The following CD274 variants were observed in gnomAD, a reference collection of about 807,000 sequenced individuals.
The protein encoded by CD274 is programmed cell death 1 ligand 1.
CD274 carries 8 observed loss-of-function variants against 30.1 expected under a neutral mutation model. That is an observed-to-expected ratio of 0.27 (90% confidence interval 0.16 to 0.48). CD274 has a LOEUF of 0.48. Among genes scored for constraint, CD274 ranks in the 20% least tolerant of loss-of-function variants. The probability of loss-of-function intolerance (pLI) is 0.99; values close to 1 mark genes in which losing one functional copy is unlikely to be tolerated. For synonymous variants in CD274, 152 were observed against 124.6 expected (o/e 1.22, Z -1.46); for missense variants, 353 against 346.6 (o/e 1.02, Z -0.15).
Position 5,466,405 on chromosome 9 carries a change from T to G in CD274, c.791-365T>G, listed in dbSNP as rs574858863. On this transcript the variant is annotated intron_variant, in intron 5 of 6. Coordinates refer to ENST00000381577, the MANE Select transcript of CD274 (RefSeq NM_014143.4). The stretch of plus-strand genomic sequence containing the variant: ...ATGACAGTAAGATCCTGAGATGGAG[T>G]TGATTTGCACAAAGAAATAATTGTT... Among the ~76,000 whole-genome samples, 5 of 152,132 alleles carry G rather than the reference T, an allele frequency of 3.3e-5. No individual in the cohort carries two copies. In the South Asian group the frequency reaches 8.3e-4, roughly 25 times the overall value.
chr9:5,462,962 C>T lies in CD274; in HGVS notation c.523C>T (p.Leu175=), dbSNP rs2131223639. 6.2e-7 allele frequency: 1 copy of T among 1,614,096 alleles called. No homozygotes were observed. The highest frequency in any genetic ancestry group is 1.3e-5 in the African/African-American group (1 of 75,046). Residue 175 remains leucine, a synonymous_variant, in exon 4 of 7, where the codon CTG becomes TTG. Transcript: ENST00000381577. ...VIWTSSDHQV[L]SGKTTTTNSK... ...CTGGACAAGCAGTGACCATCAAGTCCTGAGTGGTAAGACCACCACCACCAA... is the reference window on the plus strand; with the variant it reads ...CTGGACAAGCAGTGACCATCAAGTCTTGAGTGGTAAGACCACCACCACCAA...
rs1434484872 is a variant in CD274, at chr9:5,470,386, A to G, written c.*2524A>G. ...CTTTATCCCTTTTGTCTCATGTTTC[A>G]TCGTAAATGGCATAGGCAGAGATGA... On this transcript the variant is annotated 3_prime_UTR_variant, in exon 7 of 7. Transcript: ENST00000381577. 1 of 231,886 alleles carries G rather than the reference A, an allele frequency of 4.3e-6. No homozygotes were observed. Among genetic ancestry groups the G allele is most frequent in the Non-Finnish European group, 8.5e-6 (1 of 117,314 alleles). The allele number at this position is 231,886 out of a possible 1,614,324, so 14.4% of individuals were successfully genotyped here. A position where few individuals can be genotyped will look rare whatever the true frequency, so the allele number is the denominator to read the frequency against.
chr9:5,456,719 G>A (rs907191957), intron 2 of CD274, among the ~76,000 whole-genome samples: 1 of 152,198 alleles, frequency 6.6e-6, no homozygotes, highest in African/African-American at 2.4e-5. Context: ...CCTCTATGTA[G>A]GAAGCAAATA....
At chr9:5,465,632 C>G (rs751773137) in intron 5 of CD274, 26 bp downstream of exon 5, 2 of 1,301,742 alleles carry the variant, frequency 1.5e-6, no homozygotes, top group Non-Finnish European at 2.2e-6. Context: ...TTGCAGTGGT[C>G]TCCACTGGGG....
At position 5,467,821 on chromosome 9, in the gene CD274, TACTATTATC is replaced by T. The variant is rs1819521805; in HGVS notation, c.851-15_851-7del. On this transcript the variant is annotated splice_polypyrimidine_tract_variant and intron_variant, in intron 6 of 6. Transcript: ENST00000381577. ...CAGACCACTTCCCATGAAATTAATATACTATTATCACTCTCCAGATACACATTTGGAGGA... is the reference window on the plus strand; with the variant it reads ...CAGACCACTTCCCATGAAATTAATATACTCTCCAGATACACATTTGGAGGA... The T allele has an allele frequency of 4.4e-6, 7 of 1,597,738 alleles. No homozygotes were observed. The highest frequency in any genetic ancestry group is 6.0e-6 in the Non-Finnish European group (7 of 1,165,124).
At chr9:5,462,690 C>G (rs1819425110) in intron 3 of CD274, 144 bp from the exon 4 acceptor site, 2 of 664,464 alleles carry the variant, frequency 3.0e-6, no homozygotes, top group East Asian at 5.4e-5. Flanking sequence ...GCAGGTGTTC[C>G]CCACGGCTGA....
chr9:5,465,413 A>G, intron 4 of CD274, 86 bp from the exon 5 acceptor site: 1 of 747,040 alleles, frequency 1.3e-6, no homozygotes, highest in Non-Finnish European at 2.3e-6. Flanking sequence ...AGCTAAACTA[A>G]ACTTCAAGGA....
chr9:5,463,476 G>A (rs561808703), intron 4 of CD274, among the ~76,000 whole-genome samples: 17 of 152,230 alleles, frequency 1.1e-4, no homozygotes, highest in African/African-American at 2.9e-4. Context: ...TTTCATAGCC[G>A]GGAAACCTGG....
chr9:5,463,851 A>T, intron 4 of CD274, among the ~76,000 whole-genome samples: 1 of 151,486 alleles, frequency 6.6e-6, no homozygotes, highest in Middle Eastern at 3.4e-3. Flanking sequence ...AAATTCAACT[A>T]TTTTTTTTTA....
At chr9:5,459,128 A>G (rs747979320) in intron 3 of CD274, among the ~76,000 whole-genome samples, 1 of 152,190 alleles carries the variant, frequency 6.6e-6, no homozygotes, top group African/African-American at 2.4e-5. Context: ...CTCCTTTGCC[A>G]TGGATCAACA....
intron 1 of CD274, among the ~76,000 whole-genome samples, chr9:5,454,670 G>C (rs956352667): frequency 1.3e-5 from 2 of 151,658 alleles, no homozygotes; most frequent in Non-Finnish European, 2.9e-5. Flanking sequence ...TGTTTTAGTA[G>C]GATAGATTTC....
chr9:5,465,777 G>A (rs540539071), intron 5 of CD274, 171 bp downstream of exon 5: 27 of 524,676 alleles, frequency 5.1e-5, no homozygotes, highest in African/African-American at 2.3e-4. Flanking sequence ...AAGATGAAGC[G>A]TAAGGGGTGA....
chr9:5,465,108 G>A (rs1024666424), intron 4 of CD274, among the ~76,000 whole-genome samples: 7 of 148,830 alleles, frequency 4.7e-5, no homozygotes, highest in Non-Finnish European at 1.0e-4. Context: ...AAAAAAGCAA[G>A]AGGAAGTGAA....
intron 3 of CD274, among the ~76,000 whole-genome samples, chr9:5,461,466 T>C (rs1181061366): frequency 1.3e-5 from 2 of 152,186 alleles, no homozygotes; most frequent in Non-Finnish European, 2.9e-5. Flanking sequence ...TGGTAGTGGT[T>C]TCATTGATAT....
At chr9:5,459,507 A>C (rs538296615) in intron 3 of CD274, among the ~76,000 whole-genome samples, 1 of 152,290 alleles carries the variant, frequency 6.6e-6, no homozygotes, top group East Asian at 1.9e-4. Flanking sequence ...ATGCTGTTGA[A>C]CTTCACTTCC....
At position 5,456,998 on chromosome 9, in the gene CD274, T is replaced by A. The variant is rs1480657193; in HGVS notation, c.53-81T>A. 4.4e-6 allele frequency: 4 copies of A among 900,834 alleles called. No homozygotes were observed. In the African/African-American group the frequency reaches 6.7e-5, roughly 15 times the overall value. The allele number at this position is 900,834 out of a possible 1,614,324, so 55.8% of individuals were successfully genotyped here. ...TGATAACATAACCGACCAGATAAAG[T>A]GATTTATAAACGCTGTGCCAATTTT... On this transcript the variant is annotated intron_variant, in intron 2 of 6. Transcript: ENST00000381577.
intron 1 of CD274, 111 bp from the exon 2 acceptor site, chr9:5,455,989 T>C (rs1270739257): frequency 2.9e-6 from 2 of 693,812 alleles, no homozygotes; most frequent in Non-Finnish European, 2.6e-6. Context: ...AAGTCAATCA[T>C]GACTGGTTAT....
intron 4 of CD274, among the ~76,000 whole-genome samples, chr9:5,464,029 C>T (rs1264539394): frequency 6.6e-6 from 1 of 151,992 alleles, no homozygotes; most frequent in Non-Finnish European, 1.5e-5. Flanking sequence ...TAGGAAAATG[C>T]CACGTACTTC....
chr9:5,452,573 G>C (rs934464132), intron 1 of CD274, among the ~76,000 whole-genome samples: 8 of 152,204 alleles, frequency 5.3e-5, no homozygotes, highest in African/African-American at 1.9e-4. Flanking sequence ...CAACTGCCCT[G>C]ATATGAGGTT....
Sources: gnomAD v4.1 joint callset for allele counts (sites outside exome capture counted in the v4.1 genomes callset) on GRCh38, gnomAD v4.1.1 for gene constraint, MANE v1.5 for transcripts, NCBI Gene and HGNC (gene_info 2026-07-23, HGNC 2026-07-21) for gene names.